The following PGM2L1 variants were observed in gnomAD, a reference collection of about 807,000 sequenced individuals.
PGM2L1 encodes phosphoglucomutase 2 like 1.
Under a neutral mutation model 73.4 loss-of-function variants are expected in PGM2L1, and 35 were observed. The ratio of observed to expected loss-of-function variants is 0.48; its 90% CI spans 0.36 to 0.63. The LOEUF (loss-of-function observed/expected upper bound fraction) is 0.63, where lower values mean the gene tolerates loss of function less well. Ranked by LOEUF, PGM2L1 falls within the 30% of genes least tolerant of loss-of-function variation. PGM2L1 has a pLI of 0.00. For synonymous variants in PGM2L1, 225 were observed against 253.8 expected, an observed-to-expected ratio of 0.89 and a Z score of 1.08; for missense variants, 570 against 742.0, an observed-to-expected ratio of 0.77 and a Z score of 2.69.
At chr11:74,377,550 A>G (rs555993463) in intron 1 of PGM2L1, among the ~76,000 whole-genome samples, 2 of 152,352 alleles carry the variant, frequency 1.3e-5, no homozygotes, top group East Asian at 1.9e-4. Context: ...GTATATTTAT[A>G]TATCATCTAG....
At chr11:74,372,145 G>T (rs1383600902) in intron 2 of PGM2L1, among the ~76,000 whole-genome samples, 1 of 144,910 alleles carries the variant, frequency 6.9e-6, no homozygotes, top group African/African-American at 2.5e-5. Context: ...AAAAAAAAAA[G>T]ATTAGAAGAG....
chr11:74,346,270 C>CAAAAAAAAAA (rs751742460), intron 8 of PGM2L1, among the ~76,000 whole-genome samples: 1 of 57,878 alleles, frequency 1.7e-5, no homozygotes, highest in Non-Finnish European at 3.0e-5. Context: ...ACTATGTCTC[C>CAAAAAAAAAA]AAAAAAAAAA....
At chr11:74,360,566 C>T (rs1437349326) in intron 5 of PGM2L1, among the ~76,000 whole-genome samples, 1 of 152,140 alleles carries the variant, frequency 6.6e-6, no homozygotes, top group Non-Finnish European at 1.5e-5. Context: ...GGGGGCAGGA[C>T]AGTGGGTGCA....
At chr11:74,352,942 C>A (rs1351942123) in intron 5 of PGM2L1, among the ~76,000 whole-genome samples, 1 of 152,136 alleles carries the variant, frequency 6.6e-6, no homozygotes, top group Non-Finnish European at 1.5e-5. Context: ...ATCCTTGAAG[C>A]ATTTCACTCT....
intron 5 of PGM2L1, among the ~76,000 whole-genome samples, chr11:74,363,766 C>A (rs960548882): frequency 3.3e-5 from 5 of 152,240 alleles, no homozygotes; most frequent in Admixed American, 2.0e-4. Context: ...GATTCACAGC[C>A]GAATTCTATT....
intron 4 of PGM2L1, among the ~76,000 whole-genome samples, chr11:74,369,211 C>T (rs541561804): frequency 2.6e-5 from 4 of 152,236 alleles, no homozygotes; most frequent in East Asian, 1.9e-4. Context: ...TGTTACTTAG[C>T]GCTCACACAA....
rs533704719 is a variant in PGM2L1, at chr11:74,376,461, A to G, written c.112-1879T>C. 8.1e-4 allele frequency among the ~76,000 whole-genome samples: 122 copies of G among 150,268 alleles called. 1 individual carries two copies. Among genetic ancestry groups the G allele is most frequent in the Middle Eastern group, 3.6e-3 (1 of 276 alleles). ...TAACAAGTATAGTGTGTGTGTATAT[A>G]TATATAGTATGTATATATAGTATAA... On this transcript the variant is annotated intron_variant, in intron 1 of 13. Transcript: ENST00000298198.
chr11:74,365,689 G>A (rs887251005), intron 5 of PGM2L1, among the ~76,000 whole-genome samples: 6 of 152,068 alleles, frequency 3.9e-5, no homozygotes, highest in African/African-American at 9.7e-5. Context: ...TTAGAATGGC[G>A]ATCATTAAAA....
intron 5 of PGM2L1, among the ~76,000 whole-genome samples, chr11:74,366,651 C>T (rs181986241): frequency 8.6e-5 from 13 of 151,564 alleles, no homozygotes; most frequent in Admixed American, 2.0e-4. Flanking sequence ...TCCAAGCAGA[C>T]GACAAAACAA....
Position 74,336,052 on chromosome 11 carries a change from A to G in PGM2L1, c.*600T>C, listed in dbSNP as rs1356693899. ...AATACATACAGTAAATTTATACTGC[A>G]CCAAGGGCACCTGAAACAGACATGC... On this transcript the variant is annotated 3_prime_UTR_variant, in exon 14 of 14. Transcript: ENST00000298198. 1 of 152,294 alleles carries G rather than the reference A, an allele frequency of 6.6e-6. No homozygotes were observed. The highest frequency in any genetic ancestry group is 1.9e-4 in the East Asian group (1 of 5,198). 9.4% of individuals were successfully genotyped at this position (152,294 alleles called of 1,614,324 possible).
chr11:74,354,912 G>T (rs1862419376), intron 5 of PGM2L1: 4 of 863,848 alleles, frequency 4.6e-6, no homozygotes, highest in Non-Finnish European at 5.9e-6. Flanking sequence ...TGATGACCAT[G>T]ACTCTGTGGA....
rs1185148636 is a variant in PGM2L1, at chr11:74,333,559, A to G, written c.*3093T>C. ...ATTCTGATACAACATCCTAGCAGGA[A>G]CTGAATCCGTAAAAGGGATACTTTT... On this transcript the variant is annotated 3_prime_UTR_variant, in exon 14 of 14. Transcript: ENST00000298198. 1.3e-5 allele frequency: 2 copies of G among 152,164 alleles called. No homozygotes were observed. Among genetic ancestry groups the G allele is most frequent in the Non-Finnish European group, 2.9e-5 (2 of 68,028 alleles). 9.4% of individuals were successfully genotyped at this position (152,164 alleles called of 1,614,324 possible).
At chr11:74,358,972 A>G (rs1476833794) in intron 5 of PGM2L1, among the ~76,000 whole-genome samples, 3 of 152,236 alleles carry the variant, frequency 2.0e-5, no homozygotes, top group African/African-American at 7.2e-5. Context: ...CAAAAGAAGT[A>G]TGTGCACCAC....
At chr11:74,341,695 GAA>G (rs11336177) in intron 12 of PGM2L1, among the ~76,000 whole-genome samples, 84 of 94,044 alleles carry the variant, frequency 8.9e-4, no homozygotes, top group East Asian at 1.7e-3. Flanking sequence ...CTGTCTCAAG[GAA>G]AAAAAAAAAA....
At chr11:74,350,897 AAG>A (rs35421915) in intron 6 of PGM2L1, among the ~76,000 whole-genome samples, 75,687 of 146,250 alleles carry the variant, frequency 0.52, 20,944 homozygotes, top group East Asian at 0.81. Flanking sequence ...GAAAGAAAGA[AAG>A]AGAGAGAGAG....
intron 4 of PGM2L1, among the ~76,000 whole-genome samples, chr11:74,369,240 C>G (rs759008434): frequency 1.1e-4 from 17 of 152,180 alleles, no homozygotes; most frequent in Non-Finnish European, 2.4e-4. Flanking sequence ...ACATGTGGCT[C>G]TATTGCCTCC....
intron 1 of PGM2L1, among the ~76,000 whole-genome samples, chr11:74,388,529 T>C (rs140827165): frequency 2.6e-5 from 4 of 152,204 alleles, no homozygotes; most frequent in African/African-American, 9.6e-5. Context: ...ATGAAATATT[T>C]CAGAGAGAAA....
intron 4 of PGM2L1, 91 bp from the exon 5 acceptor site, chr11:74,368,666 G>T (rs1862700701): frequency 9.8e-7 from 1 of 1,024,034 alleles, no homozygotes; most frequent in Non-Finnish European, 1.5e-6. Context: ...AACAGGAAAA[G>T]CATTATAGTA....
Position 74,395,549 on chromosome 11 carries a change from C to CTTTTTTT in PGM2L1, c.111+2495_111+2501dup, listed in dbSNP as rs60883108. ...TACAGGCACGTGACACCTCGCCTGG[C>CTTTTTTT]TTTTTTTTTTTTTTTTTTTTTTTTT... On this transcript the variant is annotated intron_variant, in intron 1 of 13. Coordinates refer to ENST00000298198, the MANE Select transcript of PGM2L1 (RefSeq NM_173582.6). Among the ~76,000 whole-genome samples, 375 of 64,956 alleles carry CTTTTTTT rather than the reference C, an allele frequency of 5.8e-3. 3 individuals carry two copies. Among genetic ancestry groups the CTTTTTTT allele is most frequent in the East Asian group, 0.011 (16 of 1,474 alleles). 42.6% of individuals were successfully genotyped at this position (64,956 alleles called of 152,430 possible).
Sources: gnomAD v4.1 joint callset for allele counts (sites outside exome capture counted in the v4.1 genomes callset) on GRCh38, gnomAD v4.1.1 for gene constraint, MANE v1.5 for transcripts, NCBI Gene and HGNC (gene_info 2026-07-23, HGNC 2026-07-21) for gene names.